Variants in POLA2 observed in about 807,000 individuals in gnomAD.
POLA2 encodes the protein DNA polymerase alpha 2, accessory subunit.
Under a neutral mutation model 82.8 loss-of-function variants are expected in POLA2, and 47 were observed. That is an observed-to-expected ratio of 0.57 (90% CI 0.45 to 0.72). The LOEUF (loss-of-function observed/expected upper bound fraction) is 0.72, where lower values mean the gene tolerates loss of function less well. Among genes scored for constraint, POLA2 ranks in the 30% least tolerant of loss-of-function variants. The pLI is 0.00. For missense variants in POLA2, 634 were observed against 728.1 expected (o/e 0.87, Z 1.49); for synonymous variants, 287 against 286.8 (o/e 1.00, Z -0.01).
intron 14 of POLA2, 90 bp downstream of exon 14, chr11:65,294,351 C>G (rs1949787531): frequency 5.3e-6 from 6 of 1,131,218 alleles, no homozygotes; most frequent in Non-Finnish European, 4.0e-6. Context: ...GGTGGAGAGG[C>G]CTCTTTAGGG....
intron 1 of POLA2, among the ~76,000 whole-genome samples, chr11:65,265,786 T>A (rs561771977): frequency 6.6e-6 from 1 of 152,230 alleles, no homozygotes; most frequent in Non-Finnish European, 1.5e-5. Flanking sequence ...TTACTCCTAG[T>A]TTTTCTTCAG....
At chr11:65,305,445 C>T (rs1468105760) in exon 9 of POLA2, 2 of 454,578 alleles carry the variant, frequency 4.4e-6, no homozygotes, top group South Asian at 1.6e-5. Context: ...GAGAAACAGC[C>T]CTGTTGACTG....
At chr11:65,278,573 G>A (rs1285851766) in intron 5 of POLA2, among the ~76,000 whole-genome samples, 157 bp from the exon 6 acceptor site, 2 of 152,092 alleles carry the variant, frequency 1.3e-5, no homozygotes. Context: ...TTCCTTAAAG[G>A]TCTGGGTATG....
chr11:65,268,498 C>G (rs1419373196), intron 3 of POLA2, among the ~76,000 whole-genome samples, 174 bp from the exon 4 acceptor site: 3 of 151,570 alleles, frequency 2.0e-5, no homozygotes, highest in East Asian at 3.9e-4. Context: ...ACTACAGGCG[C>G]CCGGCTAATT....
At chr11:65,263,332 G>GT (rs1197021046) in intron 1 of POLA2, among the ~76,000 whole-genome samples, 2 of 147,854 alleles carry the variant, frequency 1.4e-5, no homozygotes, top group African/African-American at 5.0e-5. Flanking sequence ...CGATTCTCCT[G>GT]CCTCAGCCTC....
At chr11:65,271,838 GA>G (rs1213411869) in intron 4 of POLA2, among the ~76,000 whole-genome samples, 17,662 of 83,308 alleles carry the variant, frequency 0.21, 1,046 homozygotes, top group South Asian at 0.27. Flanking sequence ...GACTCCGTCT[GA>G]AAAAAAAAAA....
intron 4 of POLA2, among the ~76,000 whole-genome samples, chr11:65,274,150 G>A (rs760062288): frequency 1.3e-5 from 2 of 151,868 alleles, no homozygotes; most frequent in Non-Finnish European, 2.9e-5. Flanking sequence ...TCAGGAGTTC[G>A]AGACCAGCCT....
At position 65,267,518 on chromosome 11, in the gene POLA2, C is replaced by T; in HGVS notation, c.246C>T (p.Cys82=). 1 of 1,612,398 alleles carries T rather than the reference C, an allele frequency of 6.2e-7. No homozygotes were observed. Among genetic ancestry groups the T allele is most frequent in the South Asian group, 1.1e-5 (1 of 90,680 alleles). ...KRLSKARHST[C]KDSGHAGARD... ...TATCGAAAGCCAGGCATAGTACCTG[C>T]AAGGACAGTGGCCATGCAGGAGCTA... The change falls in exon 3 of 18, where the codon TGC becomes TGT. Residue 82 remains cysteine, a synonymous_variant. Coordinates refer to ENST00000265465, the MANE Select transcript of POLA2 (RefSeq NM_002689.4).
At chr11:65,294,357 T>G in intron 14 of POLA2, 96 bp downstream of exon 14, 1 of 1,078,474 alleles carries the variant, frequency 9.3e-7, no homozygotes, top group Non-Finnish European at 1.4e-6. Context: ...GAGGCCTCTT[T>G]AGGGTGTGCG....
At chr11:65,275,845 A>G (rs1325880559) in intron 4 of POLA2, 47 bp from the exon 5 acceptor site, 1 of 1,062,942 alleles carries the variant, frequency 9.4e-7, no homozygotes, top group Non-Finnish European at 1.4e-6. Context: ...CTTAATTAGT[A>G]TTGGGTCTAG....
chr11:65,289,130 C>G (rs777067526), intron 12 of POLA2, 42 bp downstream of exon 12: 2 of 1,511,544 alleles, frequency 1.3e-6, no homozygotes, highest in Non-Finnish European at 1.8e-6. Context: ...GTACTTGAAT[C>G]CAGTCAGGCT....
At chr11:65,274,831 A>C (rs1272169541) in intron 4 of POLA2, among the ~76,000 whole-genome samples, 2 of 152,168 alleles carry the variant, frequency 1.3e-5, no homozygotes, top group African/African-American at 2.4e-5. Flanking sequence ...TGTAATCTTA[A>C]TATACAAATT....
chr11:65,301,700 G>A (rs368478914), downstream of POLA2, among the ~76,000 whole-genome samples: 5 of 152,130 alleles, frequency 3.3e-5, no homozygotes, highest in African/African-American at 7.2e-5. Flanking sequence ...GGGTGGGACT[G>A]GCCTGGGGGC....
At chr11:65,282,632 T>TACGGC in intron 10 of POLA2, 111 bp downstream of exon 10, 1 of 924,092 alleles carries the variant, frequency 1.1e-6, no homozygotes. Flanking sequence ...AAGAGCAATG[T>TACGGC]GACCAAGCAG....
At chr11:65,289,660 G>A in intron 12 of POLA2, 139 bp from the exon 13 acceptor site, 5 of 610,322 alleles carry the variant, frequency 8.2e-6, no homozygotes, top group Non-Finnish European at 1.5e-5. Flanking sequence ...TTAAGACAAA[G>A]ACCATGTCTT....
intron 4 of POLA2, among the ~76,000 whole-genome samples, chr11:65,275,449 A>G (rs1949566971): frequency 1.3e-5 from 2 of 152,018 alleles, no homozygotes; most frequent in South Asian, 2.1e-4. Flanking sequence ...ATCTGCCTGG[A>G]GTCATTTCCT....
intron 5 of POLA2, among the ~76,000 whole-genome samples, chr11:65,276,637 T>C (rs1949582498): frequency 6.6e-6 from 1 of 152,128 alleles, no homozygotes; most frequent in Non-Finnish European, 1.5e-5. Context: ...AGTGCTCTGC[T>C]GAGTAGATGG....
chr11:65,283,200 G>A (rs1488140992), intron 10 of POLA2, among the ~76,000 whole-genome samples: 1 of 152,176 alleles, frequency 6.6e-6, no homozygotes, highest in Non-Finnish European at 1.5e-5. Context: ...TCCTTGAAGA[G>A]AACGGGAACA....
intron 10 of POLA2, 148 bp from the exon 11 acceptor site, chr11:65,287,568 G>A (rs1949710147): frequency 1.7e-6 from 1 of 590,766 alleles, no homozygotes; most frequent in Non-Finnish European, 2.9e-6. Flanking sequence ...GGGTGGACAT[G>A]AGGTCTTCCT....
Sources: gnomAD v4.1 joint callset for allele counts (sites outside exome capture counted in the v4.1 genomes callset) on GRCh38, gnomAD v4.1.1 for gene constraint, MANE v1.5 for transcripts, NCBI Gene and HGNC (gene_info 2026-07-23, HGNC 2026-07-21) for gene names.